Variants in C1S observed in about 807,000 individuals in gnomAD.
The protein encoded by C1S is complement C1s subcomponent.
A neutral mutation model predicts 54.0 loss-of-function variants in C1S; 31 were observed. That is an observed-to-expected ratio of 0.57 (90% CI 0.43 to 0.78). C1S has a LOEUF of 0.78. Ranked by LOEUF, C1S falls within the 30% of genes least tolerant of loss-of-function variation. C1S has a pLI of 0.00. For synonymous variants in C1S, 292 were observed against 303.6 expected, an observed-to-expected ratio of 0.96 and a Z score of 0.40; for missense variants, 727 against 851.8, an observed-to-expected ratio of 0.85 and a Z score of 1.82.
intron 11 of C1S, 133 bp downstream of exon 11, chr12:7,068,663 T>G (rs1057001493): frequency 1.4e-6 from 1 of 710,942 alleles, no homozygotes; most frequent in East Asian, 2.6e-5. Context: ...GAGGTGGCAG[T>G]ATCACTGTGC....
chr12:7,062,045 G>A (rs943886514), intron 2 of C1S, 128 bp downstream of exon 2: 20 of 919,294 alleles, frequency 2.2e-5, no homozygotes, highest in Non-Finnish European at 3.5e-5. Context: ...TGAGGCGGGA[G>A]GATTGCTTGA....
At position 7,069,942 on chromosome 12, in the gene C1S, T is replaced by G; in HGVS notation, c.1358T>G (p.Val453Gly). Residue 453 changes from valine to glycine, a missense_variant, in exon 12 of 12, where the codon GTC becomes GGC. By Grantham distance (109) the Val-to-Gly change is moderately radical. Coordinates refer to ENST00000360817, the MANE Select transcript of C1S (RefSeq NM_001734.5). ...DADIKNFPWQ[V>G]FFDNPWAGGA... is the part of the protein sequence containing the mutation. ...GATATTAAAAACTTCCCCTGGCAAG[T>G]CTTCTTTGACAACCCATGGGCTGGT... 5.0e-6 allele frequency: 8 copies of G among 1,614,098 alleles called. No homozygotes were observed. Among genetic ancestry groups the G allele is most frequent in the Non-Finnish European group, 6.8e-6 (8 of 1,180,004 alleles).
intron 6 of C1S, 67 bp downstream of exon 6, chr12:7,065,366 T>C: frequency 8.8e-7 from 1 of 1,138,300 alleles, no homozygotes; most frequent in Middle Eastern, 2.0e-4. Context: ...GAAGACAAAT[T>C]TTTTTTTCAT....
At position 7,070,743 on chromosome 12, in the gene C1S, A is replaced by T. The variant is rs1018204303; in HGVS notation, c.*92A>T. On this transcript the variant is annotated 3_prime_UTR_variant, in exon 12 of 12. Transcript: ENST00000360817. The surrounding 1 kb of genome is among the most constrained non-coding windows in gnomAD (Gnocchi z 4.9). ...ATTCTCATTATTTCATCATGACTGA[A>T]AGAAGACACGAGCGAATGATTTAAA... 1.1e-5 allele frequency: 12 copies of T among 1,070,044 alleles called. No individual in the cohort carries two copies. The African/African-American group carries it at 1.9e-4, about 17-fold the overall frequency. 66.3% of individuals were successfully genotyped at this position (1,070,044 alleles called of 1,614,324 possible).
Position 7,070,157 on chromosome 12 carries a change from A to G in C1S, c.1573A>G (p.Asn525Asp), listed in dbSNP as rs1555162988. ...KLLEVPEGRT[N>D]FDNDIALVRL... ...GCTGGAAGTCCCAGAAGGACGAACC[A>G]ATTTTGATAATGACATTGCACTGGT... Residue 525 changes from asparagine (N) to aspartate (D), a missense_variant, in exon 12 of 12, where the codon AAT becomes GAT. Transcript: ENST00000360817. The surrounding 1 kb of genome is among the most constrained non-coding windows in gnomAD (Gnocchi z 4.9). 1 of 1,614,212 alleles carries G rather than the reference A, an allele frequency of 6.2e-7. No homozygotes were observed.
Position 7,064,286 on chromosome 12 carries a change from T to A in C1S, c.411T>A (p.Asp137Glu). 6.2e-7 allele frequency: 1 copy of A among 1,614,058 alleles called. No homozygotes were observed. The highest frequency in any genetic ancestry group is 8.5e-7 in the Non-Finnish European group (1 of 1,179,930). ...TTGTAGACATAAATGAATGCACAGA[T>A]TTTGTAGATGTCCCTTGTAGCCACT... ...YVATDINECT[D>E]FVDVPCSHFC... The change falls in exon 5 of 12, where the codon GAT becomes GAA. Residue 137 changes from aspartate to glutamate, a missense_variant. Physicochemically the swap from Asp to Glu is conservative, Grantham distance 45. Coordinates refer to ENST00000360817, the MANE Select transcript of C1S (RefSeq NM_001734.5).
At chr12:7,069,365 A>G (rs1555162810) in intron 11 of C1S, among the ~76,000 whole-genome samples, 1 of 152,178 alleles carries the variant, frequency 6.6e-6, no homozygotes, top group African/African-American at 2.4e-5. Flanking sequence ...GTGGTTTACT[A>G]GGAGGGACTC....
rs1210375057 is a variant in C1S, at chr12:7,060,766, G to A, written c.-186G>A. The A allele has an allele frequency of 1.3e-5, 2 of 152,478 alleles. No homozygotes were observed. The highest frequency in any genetic ancestry group is 2.4e-5 in the African/African-American group (1 of 41,440). 9.4% of individuals were successfully genotyped at this position (152,478 alleles called of 1,614,324 possible). On this transcript the variant is annotated 5_prime_UTR_variant, in exon 1 of 12. Transcript: ENST00000360817. ...GGGAGGCTGGCCGGAGGTTCCTGCA[G>A]AGGGAGCGTCAAGGCCCTGTGCTGC... is the stretch of plus-strand genomic sequence containing the variant.
intron 1 of C1S, among the ~76,000 whole-genome samples, 168 bp downstream of exon 1, chr12:7,061,045 C>T (rs782603308): frequency 3.3e-5 from 5 of 152,314 alleles, no homozygotes; most frequent in African/African-American, 4.8e-5. Context: ...TCCACCCCTA[C>T]TTCACCCCCT....
Position 7,065,213 on chromosome 12 carries a change from G to T in C1S, c.631G>T (p.Gly211Trp). Reference sequence around the variant, plus strand: ...TGAATACCAGATCCGGTTGGAGAAAGGGTTCCAAGTGGTGGTGACCTTGCG... The same window carrying T: ...TGAATACCAGATCCGGTTGGAGAAATGGTTCCAAGTGGTGGTGACCTTGCG... The part of the protein sequence containing the change: ...RCEYQIRLEK[G>W]FQVVVTLRRE... The change falls in exon 6 of 12, where the codon GGG (glycine) becomes TGG (tryptophan). Residue 211 changes from glycine (G) to tryptophan (W), a missense_variant. Coordinates refer to ENST00000360817, the MANE Select transcript of C1S (RefSeq NM_001734.5). 6 of 1,614,096 alleles carry T rather than the reference G, an allele frequency of 3.7e-6. No individual in the cohort carries two copies. The highest frequency in any genetic ancestry group is 4.5e-5 in the East Asian group (2 of 44,880).
intron 7 of C1S, 80 bp from the exon 8 acceptor site, chr12:7,066,438 G>A: frequency 1.2e-6 from 1 of 837,242 alleles, no homozygotes; most frequent in Non-Finnish European, 2.1e-6. Flanking sequence ...TTTAGAAAGT[G>A]TGAGAATGAT....
At position 7,068,418 on chromosome 12, in the gene C1S, G is replaced by A. The variant is rs782352277; in HGVS notation, c.1196-38G>A. 8 of 1,428,460 alleles carry A rather than the reference G, an allele frequency of 5.6e-6. No individual in the cohort carries two copies. The Admixed American group carries it at 8.4e-5, about 15-fold the overall frequency. 88.5% of individuals were successfully genotyped at this position (1,428,460 alleles called of 1,614,324 possible). ...GGGGGGAATGGAAGAAGGAAGATGT[G>A]GTGGTGAGTGTGGCCTGTGTTCTCT... On this transcript the variant is annotated intron_variant, in intron 10 of 11. Transcript: ENST00000360817.
intron 4 of C1S, chr12:7,063,930 G>A (rs1947133588): frequency 2.2e-6 from 1 of 454,624 alleles, no homozygotes; most frequent in African/African-American, 2.0e-5. Flanking sequence ...TCGGGAGGTA[G>A]AGGCGTGAGA....
chr12:7,066,909 G>A lies in C1S; in HGVS notation c.988-130G>A, dbSNP rs75589246. The A allele has an allele frequency of 2.6e-3, 2,004 of 760,114 alleles. 27 individuals are homozygous for A. The African/African-American group carries it at 0.03, about 11-fold the overall frequency. 47.1% of individuals were successfully genotyped at this position (760,114 alleles called of 1,614,324 possible). A position where few individuals can be genotyped will look rare whatever the true frequency, so the allele number is the denominator to read the frequency against. ...CTCATCTCCTGGGTGCTTTAGGTCTGCTAAGATGTTCCCAAGCTTCTTGTG... is the reference window on the plus strand; with the variant it reads ...CTCATCTCCTGGGTGCTTTAGGTCTACTAAGATGTTCCCAAGCTTCTTGTG... On this transcript the variant is annotated intron_variant, in intron 8 of 11. Coordinates refer to ENST00000360817, the MANE Select transcript of C1S (RefSeq NM_001734.5).
chr12:7,066,236 C>T (rs1555162200), intron 7 of C1S: 1 of 609,158 alleles, frequency 1.6e-6, no homozygotes, highest in Non-Finnish European at 2.9e-6. Context: ...TGATAGAATC[C>T]TGAGATACTT....
At chr12:7,065,711 T>G (rs1947165041) in intron 6 of C1S, 106 bp from the exon 7 acceptor site, 1 of 977,462 alleles carries the variant, frequency 1.0e-6, no homozygotes, top group Non-Finnish European at 1.6e-6. Flanking sequence ...TATTTTCTTC[T>G]TATTTTATGT....
chr12:7,069,943 C>T lies in C1S; in HGVS notation c.1359C>T (p.Val453=), dbSNP rs782259322. 13 of 1,614,166 alleles carry T rather than the reference C, an allele frequency of 8.1e-6. No homozygotes were observed. The South Asian group carries it at 1.4e-4, about 18-fold the overall frequency. Residue 453 remains valine, a synonymous_variant, in exon 12 of 12, where the codon GTC becomes GTT. Transcript: ENST00000360817. ...ATATTAAAAACTTCCCCTGGCAAGTCTTCTTTGACAACCCATGGGCTGGTG... is the reference window on the plus strand; with the variant it reads ...ATATTAAAAACTTCCCCTGGCAAGTTTTCTTTGACAACCCATGGGCTGGTG... ...DADIKNFPWQ[V]FFDNPWAGGA... is the part of the protein sequence containing the mutation.
intron 4 of C1S, chr12:7,063,508 A>G (rs1555161619): frequency 5.6e-6 from 2 of 358,748 alleles, no homozygotes; most frequent in East Asian, 1.5e-4. Context: ...CAAACCTTCA[A>G]ATTCTGGGTA....
Position 7,061,848 on chromosome 12 carries a change from T to G in C1S, c.-65T>G, listed in dbSNP as rs782250274. On this transcript the variant is annotated 5_prime_UTR_variant, in exon 2 of 12. Transcript: ENST00000360817. ...GCCTGCCACCCCTTAGGCTCCAAAG[T>G]CCGGAGGTGCAGAAAGCCAGGACCA... 6.2e-7 allele frequency: 1 copy of G among 1,604,644 alleles called. No homozygotes were observed.
Sources: gnomAD v4.1 joint callset for allele counts (sites outside exome capture counted in the v4.1 genomes callset) on GRCh38, gnomAD v4.1.1 for gene constraint, Gnocchi (gnomAD v3.1) non-coding constraint, MANE v1.5 for transcripts, NCBI Gene and HGNC (gene_info 2026-07-23, HGNC 2026-07-21) for gene names.